Variants in CACNA1A observed in about 807,000 individuals in gnomAD.
CACNA1A encodes voltage-dependent P/Q-type calcium channel subunit alpha-1A.
Under a neutral mutation model 262.4 loss-of-function variants are expected in CACNA1A, and 57 were observed. That is an observed-to-expected ratio of 0.22 (90% confidence interval 0.18 to 0.27). CACNA1A has a LOEUF of 0.27. Among genes scored for constraint, CACNA1A ranks in the 10% least tolerant of loss-of-function variants. CACNA1A has a pLI of 1.00. For synonymous variants in CACNA1A, 1,431 were observed against 1,419.3 expected (o/e 1.01, Z -0.18); for missense variants, 2,526 against 3,562.8 (o/e 0.71, Z 7.41).
chr19:13,433,022 T>A (rs1488255602), intron 3 of CACNA1A, among the ~76,000 whole-genome samples: 4 of 151,816 alleles, frequency 2.6e-5, no homozygotes, highest in Admixed American at 2.0e-4. Context: ...TAGCCAGGCA[T>A]CTGGCTCATG....
intron 25 of CACNA1A, chr19:13,262,218 G>C (rs1186085678): frequency 6.4e-6 from 1 of 156,878 alleles, no homozygotes; most frequent in Non-Finnish European, 1.4e-5. Context: ...TATTACATAA[G>C]AGATAATACT....
At chr19:13,453,533 C>A (rs1360408753) in intron 2 of CACNA1A, among the ~76,000 whole-genome samples, 1 of 152,172 alleles carries the variant, frequency 6.6e-6, no homozygotes, top group Non-Finnish European at 1.5e-5. Flanking sequence ...TGTGCATTGA[C>A]CTCACTCCTA....
intron 3 of CACNA1A, among the ~76,000 whole-genome samples, chr19:13,373,899 A>G (rs2059364318): frequency 6.6e-6 from 1 of 152,250 alleles, no homozygotes; most frequent in African/African-American, 2.4e-5. Flanking sequence ...GTGGTTAAGA[A>G]AAACATGCAC....
At chr19:13,293,343 C>A (rs544147924) in intron 19 of CACNA1A, among the ~76,000 whole-genome samples, 12 of 151,160 alleles carry the variant, frequency 7.9e-5, no homozygotes, top group East Asian at 2.0e-4. Flanking sequence ...CATAGTGAGA[C>A]CCCAAAATGC....
Position 13,282,844 on chromosome 19 carries a change from G to A in CACNA1A, c.3822+423C>T, listed in dbSNP as rs148248786. Among the ~76,000 whole-genome samples the A allele has an allele frequency of 4.5e-4, 69 of 152,298 alleles. No homozygotes were observed. In the East Asian group the frequency reaches 0.012, roughly 26 times the overall value. ...CATAAAAACCAAAAGCTTAGGCTGT[G>A]TTTCTGAGCCAAATAGTTGTTTCTT... On this transcript the variant is annotated intron_variant, in intron 22 of 46. Transcript: ENST00000360228.
At chr19:13,238,315 C>T (rs967434316) in intron 31 of CACNA1A, among the ~76,000 whole-genome samples, 1 of 152,152 alleles carries the variant, frequency 6.6e-6, no homozygotes, top group Non-Finnish European at 1.5e-5. Flanking sequence ...GACACAGCCC[C>T]TGGAAGACAT....
At chr19:13,455,920 T>C (rs2060999195) in intron 1 of CACNA1A, among the ~76,000 whole-genome samples, 1 of 145,262 alleles carries the variant, frequency 6.9e-6, no homozygotes, top group Admixed American at 6.9e-5. Flanking sequence ...GAGGCTGCGG[T>C]GGGTGGATCA....
At chr19:13,244,210 T>C (rs1244189143) in intron 31 of CACNA1A, 1 of 152,152 alleles carries the variant, frequency 6.6e-6, no homozygotes, top group Non-Finnish European at 1.5e-5. Context: ...GCTGGACACC[T>C]TGCCACCCTT....
Position 13,209,378 on chromosome 19 carries a change from G to T in CACNA1A, c.6460C>A (p.Arg2154=). The T allele has an allele frequency of 1.4e-6, 2 of 1,396,670 alleles. No homozygotes were observed. Among genetic ancestry groups the T allele is most frequent in the Non-Finnish European group, 1.9e-6 (2 of 1,071,516 alleles). The allele number at this position is 1,396,670 out of a possible 1,614,324, so 86.5% of individuals were successfully genotyped here. Residue 2154 remains arginine (R), a synonymous_variant, in exon 45 of 47, where the codon CGG becomes AGG. Coordinates refer to ENST00000360228, the MANE Select transcript of CACNA1A (RefSeq NM_001127222.2). The part of the protein sequence containing the change: ...PPEENQRHHQ[R]RRDRSHRASE... ...GCGCGGTGGCTGCGGTCGCGGCGCCGCTGGTGGTGCCGCTGGTTCTCCTCG... is the reference window on the plus strand; with the variant it reads ...GCGCGGTGGCTGCGGTCGCGGCGCCTCTGGTGGTGCCGCTGGTTCTCCTCG...
At position 13,335,855 on chromosome 19, in the gene CACNA1A, T is replaced by C. The variant is rs755041649; in HGVS notation, c.1033A>G (p.Ile345Val). ...TTCAGCATAAAAAAGGAGCCGATGA[T>C]GATGAGGGGGATGAAGTACAACCAG... The part of the protein sequence containing the change: ...WNWLYFIPLI[I>V]IGSFFMLNLV... The change falls in exon 7 of 47, where the codon ATC (isoleucine) becomes GTC (valine). Residue 345 changes from isoleucine to valine, a missense_variant. Ile to Val is a conservative substitution (Grantham distance 29). Coordinates refer to ENST00000360228, the MANE Select transcript of CACNA1A (RefSeq NM_001127222.2). The C allele has an allele frequency of 6.2e-7, 1 of 1,611,048 alleles. No individual in the cohort carries two copies. The highest frequency in any genetic ancestry group is 2.2e-5 in the East Asian group (1 of 44,784).
intron 4 of CACNA1A, chr19:13,371,458 T>C: frequency 1.3e-5 from 7 of 533,136 alleles, no homozygotes; most frequent in Non-Finnish European, 1.7e-5. Context: ...TGGCTCCCGA[T>C]AGACAGTAGG....
At chr19:13,418,872 C>T (rs910238852) in intron 3 of CACNA1A, among the ~76,000 whole-genome samples, 1 of 151,964 alleles carries the variant, frequency 6.6e-6, no homozygotes, top group African/African-American at 2.4e-5. Flanking sequence ...TTTTACTGTA[C>T]CTTTTCTGTT....
intron 3 of CACNA1A, among the ~76,000 whole-genome samples, chr19:13,391,698 A>G (rs1210006819): frequency 6.6e-6 from 1 of 152,032 alleles, no homozygotes; most frequent in Non-Finnish European, 1.5e-5. Context: ...GGAGTTCAAG[A>G]CCAGCCTAGG....
intron 19 of CACNA1A, among the ~76,000 whole-genome samples, chr19:13,287,527 C>A (rs181018357): frequency 6.6e-6 from 1 of 152,076 alleles, no homozygotes; most frequent in East Asian, 1.9e-4. Flanking sequence ...TCTTTTCTTT[C>A]TTTCTTTCTT....
intron 7 of CACNA1A, 84 bp from the exon 8 acceptor site, chr19:13,334,577 GTGTGTGTGTGTGTGTT>G: frequency 3.0e-6 from 2 of 668,940 alleles, no homozygotes. Flanking sequence ...GTGTGTGTGT[GTGTGTGTGTGTGTGTT>G]TGTGTGTGTG....
At chr19:13,442,451 T>C (rs1330924909) in intron 3 of CACNA1A, among the ~76,000 whole-genome samples, 1 of 152,100 alleles carries the variant, frequency 6.6e-6, no homozygotes, top group African/African-American at 2.4e-5. Context: ...CCAACAGAGA[T>C]GTAGAGAGAT....
intron 3 of CACNA1A, among the ~76,000 whole-genome samples, chr19:13,387,817 C>T (rs2059641883): frequency 6.6e-6 from 1 of 152,142 alleles, no homozygotes; most frequent in Non-Finnish European, 1.5e-5. Flanking sequence ...TACGTCACTA[C>T]AGCCAGTGCA....
intron 3 of CACNA1A, among the ~76,000 whole-genome samples, chr19:13,438,094 CAG>C (rs1348167103): frequency 2.0e-5 from 3 of 150,294 alleles, no homozygotes; most frequent in Non-Finnish European, 2.9e-5. Flanking sequence ...CTGCTCTCAG[CAG>C]AGTTTTTGCT....
chr19:13,428,406 T>C (rs2060443775), intron 3 of CACNA1A, among the ~76,000 whole-genome samples: 1 of 152,230 alleles, frequency 6.6e-6, no homozygotes, highest in African/African-American at 2.4e-5. Flanking sequence ...TGTTGACCGA[T>C]GTGTCATCAG....
Sources: allele counts gnomAD v4.1 joint callset (sites outside exome capture counted in the v4.1 genomes callset), GRCh38; gene constraint gnomAD v4.1.1; transcripts MANE v1.5; gene names NCBI Gene and HGNC (gene_info 2026-07-23, HGNC 2026-07-21).